The following CNGB3 variants were observed in gnomAD, a reference collection of about 807,000 sequenced individuals.
The protein encoded by CNGB3 is cyclic nucleotide gated channel subunit beta 3.
CNGB3 carries 86 observed loss-of-function variants against 92.8 expected under a neutral mutation model. That is an observed-to-expected ratio of 0.93 (90% confidence interval 0.78 to 1.11). The LOEUF (loss-of-function observed/expected upper bound fraction) is 1.11, where lower values mean the gene tolerates loss of function less well. Among genes scored for constraint, CNGB3 ranks in the 50% least tolerant of loss-of-function variants. CNGB3 has a pLI of 0.00. For missense variants in CNGB3, 1,026 were observed against 956.8 expected, an observed-to-expected ratio of 1.07 and a Z score of -0.95; for synonymous variants, 333 against 332.7, an observed-to-expected ratio of 1.00 and a Z score of -0.01.
chr8:86,660,824 A>G, intron 6 of CNGB3: 1 of 457,322 alleles, frequency 2.2e-6, no homozygotes, highest in Non-Finnish European at 4.5e-6. Flanking sequence ...GAATACCAAT[A>G]CTAATAACTT....
chr8:86,579,288 TCA>T (rs1821717723), intron 15 of CNGB3, 36 bp from the exon 16 acceptor site: 11 of 1,611,342 alleles, frequency 6.8e-6, no homozygotes, highest in Non-Finnish European at 8.5e-6. Context: ...GCCACCAGTT[TCA>T]GTTTTCCTCC....
intron 13 of CNGB3, among the ~76,000 whole-genome samples, chr8:86,625,176 A>G (rs962331145): frequency 5.9e-5 from 9 of 152,144 alleles, no homozygotes; most frequent in Non-Finnish European, 1.5e-5. Flanking sequence ...AGAACAACCT[A>G]TACAACCTGC....
At chr8:86,667,553 G>T (rs1290242054) in intron 5 of CNGB3, among the ~76,000 whole-genome samples, 1 of 152,204 alleles carries the variant, frequency 6.6e-6, no homozygotes, top group Non-Finnish European at 1.5e-5. Flanking sequence ...GCCACATCCT[G>T]CCAGAAGGAG....
intron 16 of CNGB3, 59 bp downstream of exon 16, chr8:86,579,047 C>T: frequency 6.2e-7 from 1 of 1,605,644 alleles, no homozygotes; most frequent in African/African-American, 1.3e-5. Context: ...CTCCCTATCT[C>T]AGAGTTTACA....
intron 3 of CNGB3, among the ~76,000 whole-genome samples, chr8:86,699,919 C>T (rs1388922764): frequency 6.6e-6 from 1 of 151,972 alleles, no homozygotes; most frequent in Non-Finnish European, 1.5e-5. Context: ...TCCCATCCTC[C>T]CTTCCTTTCC....
intron 15 of CNGB3, among the ~76,000 whole-genome samples, chr8:86,592,211 C>T (rs1015070481): frequency 4.6e-5 from 7 of 152,206 alleles, no homozygotes; most frequent in South Asian, 4.1e-4. Context: ...ACGCACGGTG[C>T]GCGCACCCAC....
intron 15 of CNGB3, among the ~76,000 whole-genome samples, chr8:86,582,327 G>T (rs1044620479): frequency 1.3e-5 from 2 of 151,576 alleles, no homozygotes; most frequent in South Asian, 4.2e-4. Context: ...TCAGAGGGTG[G>T]AGGTTGCGGT....
intron 3 of CNGB3, among the ~76,000 whole-genome samples, chr8:86,677,720 T>C (rs906264446): frequency 6.6e-6 from 1 of 152,128 alleles, no homozygotes; most frequent in Non-Finnish European, 1.5e-5. Flanking sequence ...AGGAAGTCAG[T>C]GGCATCTTAT....
intron 15 of CNGB3, among the ~76,000 whole-genome samples, chr8:86,583,224 A>T (rs1222787787): frequency 2.0e-5 from 3 of 152,180 alleles, no homozygotes; most frequent in Non-Finnish European, 4.4e-5. Flanking sequence ...CTTAATTGTT[A>T]TAAAAGACAA....
At chr8:86,631,450 A>C (rs1251625470) in intron 11 of CNGB3, among the ~76,000 whole-genome samples, 5 of 152,166 alleles carry the variant, frequency 3.3e-5, no homozygotes, top group Admixed American at 3.3e-4. Context: ...GACCCTATGA[A>C]CTACATGTAT....
Position 86,666,979 on chromosome 8 carries a change from A to G in CNGB3, c.798T>C (p.Tyr266=). 1 of 1,613,674 alleles carries G rather than the reference A, an allele frequency of 6.2e-7. No homozygotes were observed. The highest frequency in any genetic ancestry group is 8.5e-7 in the Non-Finnish European group (1 of 1,180,020). The change falls in exon 6 of 18, where the codon TAT becomes TAC. Residue 266 remains tyrosine (Y), a synonymous_variant. Coordinates refer to ENST00000320005, the MANE Select transcript of CNGB3 (RefSeq NM_019098.5). ...GTCTGGGCTGGATAAATAGCATATC[A>G]TAAAGGTAGATGATATCACATATGA... is the stretch of plus-strand genomic sequence containing the variant. The part of the protein sequence containing the change: ...ADIICDIIYL[Y]DMLFIQPRLQ...
At chr8:86,695,161 G>A (rs1441983510) in intron 3 of CNGB3, among the ~76,000 whole-genome samples, 2 of 30,310 alleles carry the variant, frequency 6.6e-5, no homozygotes, top group African/African-American at 8.5e-4. Context: ...GTCAGGCGTG[G>A]CGGTGGCGCC....
intron 3 of CNGB3, among the ~76,000 whole-genome samples, chr8:86,700,310 C>T (rs752148738): frequency 2.6e-5 from 4 of 151,980 alleles, no homozygotes; most frequent in Non-Finnish European, 5.9e-5. Flanking sequence ...ATATTGCCTG[C>T]CATTTTCAAT....
At chr8:86,661,573 TTC>T (rs1823640688) in intron 6 of CNGB3, 8 of 742,804 alleles carry the variant, frequency 1.1e-5, no homozygotes, top group Admixed American at 3.6e-5. Flanking sequence ...TTGCCAAATT[TTC>T]TTTTTCAATT....
intron 10 of CNGB3, among the ~76,000 whole-genome samples, chr8:86,637,595 T>C (rs1563736009): frequency 1.3e-5 from 2 of 152,286 alleles, no homozygotes; most frequent in Non-Finnish European, 2.9e-5. Context: ...TGAATACAGA[T>C]GTCTTTCAAT....
chr8:86,712,069 AAATG>A (rs909269111), intron 3 of CNGB3, among the ~76,000 whole-genome samples: 1 of 151,990 alleles, frequency 6.6e-6, no homozygotes. Context: ...GAAAAAGAGA[AAATG>A]AAATTGTGGT....
At chr8:86,658,287 G>A (rs1823559457) in intron 6 of CNGB3, 3 of 513,160 alleles carry the variant, frequency 5.8e-6, no homozygotes, top group South Asian at 5.6e-5. Flanking sequence ...TGCCACCATG[G>A]CCTCCCGACT....
In CNGB3 at chr8:86,575,598, C is replaced by A; in HGVS notation, c.*206G>T. On this transcript the variant is annotated 3_prime_UTR_variant, in exon 18 of 18. Transcript: ENST00000320005. ...AGCAATTGCATAAAGTTAATGAAAACGGAGAATAGGGATGGCTTTTAATAA... is the reference window on the plus strand; with the variant it reads ...AGCAATTGCATAAAGTTAATGAAAAAGGAGAATAGGGATGGCTTTTAATAA... 2.0e-6 allele frequency: 1 copy of A among 501,606 alleles called. No homozygotes were observed. Among genetic ancestry groups the A allele is most frequent in the Non-Finnish European group, 3.5e-6 (1 of 285,704 alleles). 31.1% of individuals were successfully genotyped at this position (501,606 alleles called of 1,614,324 possible).
intron 1 of CNGB3, 106 bp downstream of exon 1, chr8:86,743,393 C>A (rs1563772963): frequency 8.0e-7 from 1 of 1,251,350 alleles, no homozygotes; most frequent in African/African-American, 1.5e-5. Context: ...CCAGATGGTG[C>A]CAGGTAAAAC....
Sources: allele counts gnomAD v4.1 joint callset (sites outside exome capture counted in the v4.1 genomes callset), GRCh38; gene constraint gnomAD v4.1.1; transcripts MANE v1.5; gene names NCBI Gene and HGNC (gene_info 2026-07-23, HGNC 2026-07-21).